PLCB4: variants seen among roughly 807,000 people sequenced by gnomAD.
The protein encoded by PLCB4 is phospholipase C beta 4.
PLCB4 carries 77 observed loss-of-function variants against 178.8 expected under a neutral mutation model. That is an observed-to-expected ratio of 0.43 (90% CI 0.36 to 0.52). The LOEUF (loss-of-function observed/expected upper bound fraction) is 0.52. Among genes scored for constraint, PLCB4 ranks in the 20% least tolerant of loss-of-function variants. PLCB4 has a pLI of 0.00. For synonymous variants in PLCB4, 496 were observed against 490.8 expected (o/e 1.01, Z -0.14); for missense variants, 1,024 against 1,453.4 (o/e 0.70, Z 4.80).
At chr20:9,423,167 C>T (rs1020432404) in intron 27 of PLCB4, among the ~76,000 whole-genome samples, 1 of 152,224 alleles carries the variant, frequency 6.6e-6, no homozygotes, top group Non-Finnish European at 1.5e-5. Context: ...CTCTATTTAA[C>T]ATCCCAACAT....
At chr20:9,216,453 G>C (rs1022968789) in intron 2 of PLCB4, among the ~76,000 whole-genome samples, 1 of 151,968 alleles carries the variant, frequency 6.6e-6, no homozygotes, top group African/African-American at 2.4e-5. Context: ...TCCTGACCTC[G>C]TGATCCGCCC....
chr20:9,090,961 G>A (rs1568730881), intron 1 of PLCB4, among the ~76,000 whole-genome samples: 1 of 151,952 alleles, frequency 6.6e-6, no homozygotes, highest in South Asian at 2.1e-4. Context: ...TCTCTTTTTG[G>A]TTCAAATGAA....
intron 4 of PLCB4, among the ~76,000 whole-genome samples, chr20:9,330,136 G>T (rs536859955): frequency 3.3e-4 from 50 of 152,264 alleles, no homozygotes; most frequent in Admixed American, 8.5e-4. Flanking sequence ...CATCTCTTGG[G>T]CTCTGAGCTT....
intron 2 of PLCB4, among the ~76,000 whole-genome samples, chr20:9,174,074 A>T (rs1312828360): frequency 6.6e-6 from 1 of 152,222 alleles, no homozygotes; most frequent in Non-Finnish European, 1.5e-5. Flanking sequence ...GCACAAAAAT[A>T]AAACAACTCT....
At chr20:9,343,289 G>A (rs2033439753) in intron 7 of PLCB4, among the ~76,000 whole-genome samples, 1 of 152,044 alleles carries the variant, frequency 6.6e-6, no homozygotes, top group Non-Finnish European at 1.5e-5. Flanking sequence ...AGGCAAAAGG[G>A]TAAACTTTGA....
At chr20:9,194,412 C>T (rs1265195523) in intron 2 of PLCB4, among the ~76,000 whole-genome samples, 3 of 151,896 alleles carry the variant, frequency 2.0e-5, no homozygotes, top group African/African-American at 2.4e-5. Context: ...TTGGGCCGGG[C>T]GCAGTGGCTC....
chr20:9,343,071 T>C (rs1337607852), intron 7 of PLCB4, among the ~76,000 whole-genome samples: 1 of 152,178 alleles, frequency 6.6e-6, no homozygotes, highest in Non-Finnish European at 1.5e-5. Flanking sequence ...CAGCACTCCC[T>C]GGGCAATCTG....
intron 2 of PLCB4, among the ~76,000 whole-genome samples, chr20:9,192,176 A>G (rs1019466632): frequency 6.6e-6 from 1 of 152,224 alleles, no homozygotes; most frequent in Admixed American, 6.5e-5. Flanking sequence ...AGCCGGCAGT[A>G]GGGAGCTGTG....
intron 7 of PLCB4, among the ~76,000 whole-genome samples, chr20:9,346,890 T>C (rs1195852617): frequency 6.6e-6 from 1 of 152,220 alleles, no homozygotes; most frequent in Non-Finnish European, 1.5e-5. Flanking sequence ...TCTGTGGAGC[T>C]GGTGAAATCA....
chr20:9,290,915 C>G (rs2094574660), intron 3 of PLCB4, among the ~76,000 whole-genome samples: 2 of 152,000 alleles, frequency 1.3e-5, no homozygotes, highest in African/African-American at 4.8e-5. Flanking sequence ...ATTACAGTTT[C>G]AGGATCTGTA....
intron 3 of PLCB4, among the ~76,000 whole-genome samples, chr20:9,281,551 G>A (rs1019652215): frequency 2.6e-5 from 4 of 151,792 alleles, no homozygotes; most frequent in Non-Finnish European, 5.9e-5. Context: ...AAGCAAAATA[G>A]GTATAACACA....
chr20:9,266,160 A>G (rs541229085), intron 3 of PLCB4, among the ~76,000 whole-genome samples: 380 of 152,320 alleles, frequency 2.5e-3, no homozygotes, highest in African/African-American at 8.8e-3. Flanking sequence ...TTGCTATACA[A>G]TGTGTGGTCT....
intron 3 of PLCB4, among the ~76,000 whole-genome samples, chr20:9,287,199 G>A (rs780899115): frequency 6.6e-6 from 1 of 152,006 alleles, no homozygotes; most frequent in Non-Finnish European, 1.5e-5. Flanking sequence ...GAATATATGA[G>A]TTAGAAAACT....
chr20:9,369,806 A>G (rs1326388005), intron 9 of PLCB4, among the ~76,000 whole-genome samples: 1 of 152,214 alleles, frequency 6.6e-6, no homozygotes, highest in Non-Finnish European at 1.5e-5. Context: ...CTTGCCTTCT[A>G]CTTAGCACGG....
intron 34 of PLCB4, among the ~76,000 whole-genome samples, chr20:9,458,648 C>T (rs937673162): frequency 5.3e-5 from 8 of 152,152 alleles, no homozygotes; most frequent in Non-Finnish European, 4.4e-5. Context: ...CATGACCTAT[C>T]AACCTCCAGC....
At chr20:9,159,698 C>T (rs1314157793) in intron 2 of PLCB4, among the ~76,000 whole-genome samples, 1 of 152,162 alleles carries the variant, frequency 6.6e-6, no homozygotes, top group East Asian at 1.9e-4. Context: ...CCTCTATACA[C>T]AGTGAGCCCA....
chr20:9,186,966 A>AT (rs2093337400), intron 2 of PLCB4, among the ~76,000 whole-genome samples: 1 of 151,178 alleles, frequency 6.6e-6, no homozygotes, highest in Admixed American at 6.6e-5. Context: ...CTGTTGTTTT[A>AT]TTTTTTACTT....
chr20:9,436,024 T>G (rs1273576705), intron 29 of PLCB4, among the ~76,000 whole-genome samples: 1 of 152,242 alleles, frequency 6.6e-6, no homozygotes, highest in African/African-American at 2.4e-5. Context: ...TGACATTGGA[T>G]AGTCATACCT....
intron 3 of PLCB4, among the ~76,000 whole-genome samples, chr20:9,247,125 G>A (rs1351742448): frequency 6.6e-6 from 1 of 152,050 alleles, no homozygotes; most frequent in Non-Finnish European, 1.5e-5. Context: ...TTTATTGGTG[G>A]CAGAATCACA....
Sources: gnomAD v4.1 joint callset for allele counts (sites outside exome capture counted in the v4.1 genomes callset) on GRCh38, gnomAD v4.1.1 for gene constraint, MANE v1.5 for transcripts, NCBI Gene and HGNC (gene_info 2026-07-23, HGNC 2026-07-21) for gene names.